Variants in IGSF3 observed in about 807,000 individuals in gnomAD.
IGSF3 encodes immunoglobulin superfamily member 3, also known as glu-Trp-Ile EWI motif-containing protein 3.
IGSF3 carries 23 observed loss-of-function variants against 114.4 expected under a neutral mutation model. That is an observed-to-expected ratio of 0.20 (90% confidence interval 0.14 to 0.28). IGSF3 has a LOEUF of 0.28. IGSF3 is among the 10% of genes least tolerant of loss of function. The pLI is 1.00. For missense variants in IGSF3, 1,172 were observed against 1,591.5 expected (o/e 0.74, Z 4.48); for synonymous variants, 571 against 645.2 (o/e 0.88, Z 1.74).
chr1:116,603,867 T>A lies in IGSF3; in HGVS notation c.1381A>T (p.Met461Leu). 6.2e-7 allele frequency: 1 copy of A among 1,613,704 alleles called. No individual in the cohort carries two copies. Among genetic ancestry groups the A allele is most frequent in the Non-Finnish European group, 8.5e-7 (1 of 1,179,628 alleles). ...VDRQNRRSNI[M>L]WLDRDGTVQP... Reference sequence around the variant, plus strand: ...ACGGTGCCATCCCGGTCTAGCCACATGATATTGCTGCGGCGGTTCTGCCTG... The same window carrying A: ...ACGGTGCCATCCCGGTCTAGCCACAAGATATTGCTGCGGCGGTTCTGCCTG... The change falls in exon 6 of 11, where the codon ATG (methionine) becomes TTG (leucine). Residue 461 changes from methionine to leucine, a missense_variant. By Grantham distance (15) the Met-to-Leu change is conservative. This residue lies in a region of IGSF3 where 736 missense variants were observed against 1,042.0 expected (regional missense o/e 0.71). Transcript: ENST00000369486. This position sits in a 1 kb window ranked among gnomAD's most constrained non-coding sequence, Gnocchi z 7.1.
In IGSF3 at chr1:116,583,338, T is replaced by A. The variant is rs865992084; in HGVS notation, c.2848+1307A>T. 4.7e-4 allele frequency among the ~76,000 whole-genome samples: 71 copies of A among 152,156 alleles called. No homozygotes were observed. The highest frequency in any genetic ancestry group is 3.4e-3 in the Middle Eastern group (1 of 294). ...GACATGCAGCCATTTCTAGGCAAGG[T>A]AAAAAGCAAAAAATATAAATAAGTA... is the stretch of plus-strand genomic sequence containing the variant. On this transcript the variant is annotated intron_variant, in intron 9 of 10. Transcript: ENST00000369486. This position sits in a 1 kb window ranked among gnomAD's most constrained non-coding sequence, Gnocchi z 4.5.
intron 9 of IGSF3, among the ~76,000 whole-genome samples, chr1:116,581,320 C>CTTTTT (rs955415319): frequency 5.7e-4 from 40 of 70,542 alleles, no homozygotes; most frequent in African/African-American, 8.5e-4. Context: ...GTTTTGCTGT[C>CTTTTT]TTTTTTTTTT....
intron 10 of IGSF3, among the ~76,000 whole-genome samples, chr1:116,578,712 T>C (rs1353210862): frequency 6.6e-6 from 1 of 152,240 alleles, no homozygotes; most frequent in Non-Finnish European, 1.5e-5. Context: ...TAGTCTAATG[T>C]AGTCCACATT....
intron 6 of IGSF3, among the ~76,000 whole-genome samples, chr1:116,602,840 G>A (rs146943509): frequency 6.6e-6 from 1 of 152,206 alleles, no homozygotes; most frequent in Non-Finnish European, 1.5e-5. Flanking sequence ...ATTATATCCA[G>A]GCAGATAAAT....
rs1647935597 is a variant in IGSF3 at position 116,638,550 on chromosome 1, T to G, written c.44-22093A>C. Among the ~76,000 whole-genome samples, 1 of 152,080 alleles carries G rather than the reference T, an allele frequency of 6.6e-6. No individual in the cohort carries two copies. Among genetic ancestry groups the G allele is most frequent in the Non-Finnish European group, 1.5e-5 (1 of 68,012 alleles). On this transcript the variant is annotated intron_variant, in intron 2 of 10. Coordinates refer to ENST00000369486, the MANE Select transcript of IGSF3 (RefSeq NM_001007237.3). This position sits in a 1 kb window ranked among gnomAD's most constrained non-coding sequence, Gnocchi z 4.1. Reference sequence around the variant, plus strand: ...ACTCAGTCTGACACCCACCACTCCCTCCAAACATCCCCGGTACGTCTTACT... The same window carrying G: ...ACTCAGTCTGACACCCACCACTCCCGCCAAACATCCCCGGTACGTCTTACT...
chr1:116,611,035 C>T (rs111719886), intron 4 of IGSF3, among the ~76,000 whole-genome samples: 21 of 152,342 alleles, frequency 1.4e-4, no homozygotes, highest in Non-Finnish European at 3.1e-4. Flanking sequence ...AGTTGGACCC[C>T]TCCTTCCACT....
intron 2 of IGSF3, among the ~76,000 whole-genome samples, chr1:116,645,440 C>A (rs1290287860): frequency 6.6e-6 from 1 of 152,240 alleles, no homozygotes; most frequent in Non-Finnish European, 1.5e-5. Flanking sequence ...GATTATGTGG[C>A]TGCTCATGTT....
In IGSF3 at chr1:116,615,069, G is replaced by A. The variant is rs1221907800; in HGVS notation, c.422-894C>T. 1.3e-5 allele frequency among the ~76,000 whole-genome samples: 2 copies of A among 152,094 alleles called. No individual in the cohort carries two copies. Among genetic ancestry groups the A allele is most frequent in the African/African-American group, 2.4e-5 (1 of 41,406 alleles). On this transcript the variant is annotated intron_variant, in intron 3 of 10. Transcript: ENST00000369486. This position sits in a 1 kb window ranked among gnomAD's most constrained non-coding sequence, Gnocchi z 4.3. ...GGAGGCGGATCACCTGAGGTCGGGA[G>A]TTCGAGACCAGCCTGACCAACATGG...
At position 116,657,016 on chromosome 1, in the gene IGSF3, G is replaced by A. The variant is rs1832384; in HGVS notation, c.43+9268C>T. ...AGAAACCAGTATCTCTTCATCTTAC[G>A]TTTACATAATACTTTACCCCAATAC... On this transcript the variant is annotated intron_variant, in intron 2 of 10. Transcript: ENST00000369486. This position sits in a 1 kb window ranked among gnomAD's most constrained non-coding sequence, Gnocchi z 4.2. 2.6e-5 allele frequency among the ~76,000 whole-genome samples: 4 copies of A among 152,184 alleles called. No homozygotes were observed. Among genetic ancestry groups the A allele is most frequent in the African/African-American group, 7.2e-5 (3 of 41,512 alleles).
In IGSF3 at chr1:116,583,345, C is replaced by CA. The variant is rs1283067278; in HGVS notation, c.2848+1299dup. 6.6e-6 allele frequency among the ~76,000 whole-genome samples: 1 copy of CA among 151,978 alleles called. No individual in the cohort carries two copies. The highest frequency in any genetic ancestry group is 1.5e-5 in the Non-Finnish European group (1 of 68,000). On this transcript the variant is annotated intron_variant, in intron 9 of 10. Transcript: ENST00000369486. The surrounding 1 kb of genome is among the most constrained non-coding windows in gnomAD (Gnocchi z 4.5). ...AGCCATTTCTAGGCAAGGTAAAAAGCAAAAAATATAAATAAGTAAAAGCTC... is the reference window on the plus strand; with the variant it reads ...AGCCATTTCTAGGCAAGGTAAAAAGCAAAAAAATATAAATAAGTAAAAGCTC...
chr1:116,623,114 C>A (rs922514270), intron 2 of IGSF3, among the ~76,000 whole-genome samples: 1 of 152,216 alleles, frequency 6.6e-6, no homozygotes, highest in African/African-American at 2.4e-5. Context: ...TGTCAGCCTT[C>A]GGCCAAGGAA....
chr1:116,614,035 C>A lies in IGSF3; in HGVS notation c.562G>T (p.Val188Phe). The change falls in exon 4 of 11, where the codon GTT becomes TTT. Residue 188 changes from valine (V) to phenylalanine (F), a missense_variant. Coordinates refer to ENST00000369486, the MANE Select transcript of IGSF3 (RefSeq NM_001007237.3). The surrounding 1 kb of genome is among the most constrained non-coding windows in gnomAD (Gnocchi z 4.5). ...ATGACCTCCACGGGCTTCTCGCCAA[C>A]TTTCTGCCGGAGCCAGGCCACAGAC... ...HLSVAWLRQKVGEKPVEVISL... is the reference protein window; with the variant it reads ...HLSVAWLRQKFGEKPVEVISL... 6.2e-7 allele frequency: 1 copy of A among 1,614,154 alleles called. No homozygotes were observed. The highest frequency in any genetic ancestry group is 8.5e-7 in the Non-Finnish European group (1 of 1,180,026).
In IGSF3 at chr1:116,657,557, T is replaced by C. The variant is rs1648914287; in HGVS notation, c.43+8727A>G. Among the ~76,000 whole-genome samples the C allele has an allele frequency of 6.6e-6, 1 of 152,152 alleles. No homozygotes were observed. Among genetic ancestry groups the C allele is most frequent in the Non-Finnish European group, 1.5e-5 (1 of 68,030 alleles). ...GTGTGAACGATCATACTGGTTATCA[T>C]GTGGGAAAAAAGGTTTAATTACTCC... On this transcript the variant is annotated intron_variant, in intron 2 of 10. Transcript: ENST00000369486. The surrounding 1 kb of genome is among the most constrained non-coding windows in gnomAD (Gnocchi z 4.2).
At position 116,587,218 on chromosome 1, in the gene IGSF3, G is replaced by GTA. The variant is rs3831858; in HGVS notation, c.2440+1474_2440+1475dup. On this transcript the variant is annotated intron_variant, in intron 8 of 10. Coordinates refer to ENST00000369486, the MANE Select transcript of IGSF3 (RefSeq NM_001007237.3). ...AGATAGAAAACAAATGTGTGTGTGT[G>GTA]TATATATATATGTATTCTAGTATAA... is the stretch of plus-strand genomic sequence containing the variant. Among the ~76,000 whole-genome samples, 40 of 152,126 alleles carry GTA rather than the reference G, an allele frequency of 2.6e-4. No homozygotes were observed. In the East Asian group the frequency reaches 4.8e-3, roughly 18 times the overall value.
chr1:116,656,168 A>G (rs1467621462), intron 2 of IGSF3, among the ~76,000 whole-genome samples: 1 of 152,138 alleles, frequency 6.6e-6, no homozygotes, highest in Non-Finnish European at 1.5e-5. Context: ...GAAAAAATAT[A>G]TTTGTGTAAG....
Position 116,633,185 on chromosome 1 carries a change from C to T in IGSF3, c.44-16728G>A, listed in dbSNP as rs1284639934. Among the ~76,000 whole-genome samples the T allele has an allele frequency of 6.6e-6, 1 of 152,206 alleles. No individual in the cohort carries two copies. ...CCAGCCTGGGCATGGTACCACTGTC[C>T]TACATTCCAGCCATTTGGGATGTCC... On this transcript the variant is annotated intron_variant, in intron 2 of 10. Coordinates refer to ENST00000369486, the MANE Select transcript of IGSF3 (RefSeq NM_001007237.3). The surrounding 1 kb of genome is among the most constrained non-coding windows in gnomAD (Gnocchi z 4.3).
intron 2 of IGSF3, among the ~76,000 whole-genome samples, chr1:116,617,949 G>A (rs1202615417): frequency 6.6e-6 from 1 of 152,238 alleles, no homozygotes; most frequent in African/African-American, 2.4e-5. Flanking sequence ...CCCCACAAAT[G>A]GGAATGGCGG....
rs993517768 is a variant in IGSF3 at position 116,667,728 on chromosome 1, C to G, written c.-741G>C. 2 of 151,582 alleles carry G rather than the reference C, an allele frequency of 1.3e-5. No homozygotes were observed. The highest frequency in any genetic ancestry group is 4.8e-5 in the African/African-American group (2 of 41,360). The allele number at this position is 151,582 out of a possible 1,614,324, so 9.4% of individuals were successfully genotyped here. On this transcript the variant is annotated 5_prime_UTR_variant, in exon 1 of 11. Transcript: ENST00000369486. The stretch of plus-strand genomic sequence containing the variant: ...CTTCTCCCGCAACGGCACCAGCAGC[C>G]GCGCTGCGGCCCCTCCCGAGTCCCC...
Position 116,584,682 on chromosome 1 carries a change from G to A in IGSF3, c.2811C>T (p.Asp937=). ...PSGMWYKRAE[D]TAGQTALTVM... The stretch of plus-strand genomic sequence containing the variant: ...CTGTCAGAGCTGTCTGCCCAGCGGT[G>A]TCCTCTGCCCGCTTATACCACATGC... The change falls in exon 9 of 11, where the codon GAC becomes GAT. Residue 937 remains aspartate, a synonymous_variant. Coordinates refer to ENST00000369486, the MANE Select transcript of IGSF3 (RefSeq NM_001007237.3). The surrounding 1 kb of genome is among the most constrained non-coding windows in gnomAD (Gnocchi z 5.8). The A allele has an allele frequency of 6.2e-7, 1 of 1,614,186 alleles. No individual in the cohort carries two copies. Among genetic ancestry groups the A allele is most frequent in the South Asian group, 1.1e-5 (1 of 91,088 alleles).
Sources: gnomAD v4.1 joint callset for allele counts (sites outside exome capture counted in the v4.1 genomes callset) on GRCh38, gnomAD v4.1.1 for gene constraint, gnomAD v4.1.1 regional missense constraint, Gnocchi (gnomAD v3.1) non-coding constraint, MANE v1.5 for transcripts, NCBI Gene and HGNC (gene_info 2026-07-23, HGNC 2026-07-21) for gene names.